The following RAPGEF5 variants were observed in gnomAD, a reference collection of about 807,000 sequenced individuals.
RAPGEF5 encodes Rap guanine nucleotide exchange factor 5.
A neutral mutation model predicts 125.2 loss-of-function variants in RAPGEF5; 65 were observed. That is an observed-to-expected ratio of 0.52 (90% confidence interval 0.43 to 0.64). The LOEUF is 0.64. Among genes scored for constraint, RAPGEF5 ranks in the 30% least tolerant of loss-of-function variants. RAPGEF5 has a pLI of 0.00. For synonymous variants in RAPGEF5, 391 were observed against 385.9 expected, an observed-to-expected ratio of 1.01 and a Z score of -0.16; for missense variants, 958 against 1,048.1, an observed-to-expected ratio of 0.91 and a Z score of 1.19.
rs953215779 is a variant in RAPGEF5 at position 22,131,061 on chromosome 7, A to G, written c.2457T>C (p.Asp819=). 5.2e-6 allele frequency: 8 copies of G among 1,537,788 alleles called. No individual in the cohort carries two copies. The African/African-American group carries it at 9.6e-5, about 19-fold the overall frequency. Residue 819 remains aspartate, a synonymous_variant, in exon 24 of 26, where the codon GAT becomes GAC. Transcript: ENST00000665637. The stretch of plus-strand genomic sequence containing the variant: ...CCAGCTTTTCAAAATTGACAAGATT[A>G]TCCAAAAAAGTTTTATTTCCTTCAT... ...FIHEGNKTFL[D]NLVNFEKLHM...
At chr7:22,356,199 T>G in intron 1 of RAPGEF5, 1 of 985,490 alleles carries the variant, frequency 1.0e-6, no homozygotes, top group Non-Finnish European at 1.2e-6. Context: ...AAATCGTATC[T>G]GAACACACCA....
intron 20 of RAPGEF5, among the ~76,000 whole-genome samples, chr7:22,141,188 T>C (rs1417089256): frequency 6.6e-6 from 1 of 152,248 alleles, no homozygotes; most frequent in East Asian, 1.9e-4. Flanking sequence ...GCATATTACA[T>C]AATTTATTCC....
Position 22,146,957 on chromosome 7 carries a change from A to C in RAPGEF5, c.1947T>G (p.Thr649=). The C allele has an allele frequency of 2.5e-6, 4 of 1,613,788 alleles. No individual in the cohort carries two copies. The highest frequency in any genetic ancestry group is 2.5e-6 in the Non-Finnish European group (3 of 1,179,786). ...QRSMRILGMN[T]WDLALELMNF... ...TCATTAATTCCAGAGCAAGATCCCAAGTGTTCATTCCCAAAATCCTCATCG... is the reference window on the plus strand; with the variant it reads ...TCATTAATTCCAGAGCAAGATCCCACGTGTTCATTCCCAAAATCCTCATCG... The change falls in exon 19 of 26, where the codon ACT becomes ACG. Residue 649 remains threonine, a synonymous_variant. Transcript: ENST00000665637.
chr7:22,266,991 C>G lies in RAPGEF5; in HGVS notation c.769G>C (p.Val257Leu). 1 of 1,610,888 alleles carries G rather than the reference C, an allele frequency of 6.2e-7. No homozygotes were observed. The highest frequency in any genetic ancestry group is 8.5e-7 in the Non-Finnish European group (1 of 1,177,500). Residue 257 changes from valine (V) to leucine (L), a missense_variant, in exon 7 of 26, where the codon GTT (valine) becomes CTT (leucine). By Grantham distance (32) the Val-to-Leu change is conservative. Coordinates refer to ENST00000665637, the MANE Select transcript of RAPGEF5 (RefSeq NM_012294.5). Reference sequence around the variant, plus strand: ...GACTTCCTTGCTTTCAAAGCAATAACAGCTGCTAGCTCTCTCTGCACCTAA... The same window carrying G: ...GACTTCCTTGCTTTCAAAGCAATAAGAGCTGCTAGCTCTCTCTGCACCTAA... Reference protein sequence around the residue: ...TSAVQRELAAVIALKARKSAI... With the variant: ...TSAVQRELAALIALKARKSAI...
At chr7:22,139,999 C>T (rs1783205893) in intron 21 of RAPGEF5, 26 bp downstream of exon 21, 1 of 1,523,642 alleles carries the variant, frequency 6.6e-7, no homozygotes, top group African/African-American at 1.4e-5. Context: ...TTTATGTGCC[C>T]CTCACCATGG....
intron 7 of RAPGEF5, among the ~76,000 whole-genome samples, chr7:22,247,026 A>T (rs2128137370): frequency 6.6e-6 from 1 of 152,380 alleles, no homozygotes; most frequent in Admixed American, 6.5e-5. Flanking sequence ...AACTCCAATG[A>T]GTTATCATCT....
At chr7:22,277,782 C>T (rs1160610254) in intron 6 of RAPGEF5, among the ~76,000 whole-genome samples, 2 of 152,186 alleles carry the variant, frequency 1.3e-5, no homozygotes, top group Non-Finnish European at 2.9e-5. Flanking sequence ...GAATTTCTTT[C>T]ACCTTGACTT....
intron 21 of RAPGEF5, among the ~76,000 whole-genome samples, chr7:22,138,242 C>G (rs984347392): frequency 6.6e-6 from 1 of 152,130 alleles, no homozygotes; most frequent in Non-Finnish European, 1.5e-5. Flanking sequence ...AGCCATGGAA[C>G]AAATCTAGCC....
chr7:22,163,884 T>C (rs1784081998), intron 12 of RAPGEF5, among the ~76,000 whole-genome samples: 1 of 152,230 alleles, frequency 6.6e-6, no homozygotes, highest in Non-Finnish European at 1.5e-5. Context: ...CAGGCTTTGC[T>C]AATATTTTAA....
chr7:22,283,448 T>A (rs1442639891), intron 6 of RAPGEF5, among the ~76,000 whole-genome samples: 2 of 152,172 alleles, frequency 1.3e-5, no homozygotes, highest in African/African-American at 4.8e-5. Flanking sequence ...CTCCTCTATA[T>A]ATGGGCACAC....
At chr7:22,207,040 T>C (rs1785413703) in intron 9 of RAPGEF5, among the ~76,000 whole-genome samples, 1 of 152,194 alleles carries the variant, frequency 6.6e-6, no homozygotes, top group African/African-American at 2.4e-5. Context: ...AATATTCAAC[T>C]ACACTAGAGA....
In RAPGEF5 at chr7:22,310,027, G is replaced by C. The variant is rs374208172; in HGVS notation, c.453C>G (p.Cys151Trp). The C allele has an allele frequency of 6.2e-7, 1 of 1,601,512 alleles. No homozygotes were observed. Among genetic ancestry groups the C allele is most frequent in the Admixed American group, 1.7e-5 (1 of 57,336 alleles). The part of the protein sequence containing the change: ...WLLEHCPFVQ[C>W]RSMAIGVWQL... The stretch of plus-strand genomic sequence containing the variant: ...GCCAGACTCCTATGGCCATAGATCT[G>C]CACTGGACGAAAGGACAGTGTTCTA... Residue 151 changes from cysteine to tryptophan, a missense_variant, in exon 4 of 26, where the codon TGC becomes TGG. Physicochemically the swap from Cys to Trp is radical, Grantham distance 215. Coordinates refer to ENST00000665637, the MANE Select transcript of RAPGEF5 (RefSeq NM_012294.5).
chr7:22,162,457 C>A lies in RAPGEF5; in HGVS notation c.1368G>T (p.Gln456His). ...ACCAGTCTTTGTACAGAGCAATCCA[C>A]TGGGAAACAAGATGCAAGACTTTAC... ...RKRKVLHLVS[Q>H]WIALYKDWLP... is the part of the protein sequence containing the mutation. The change falls in exon 13 of 26, where the codon CAG (glutamine) becomes CAT (histidine). Residue 456 changes from glutamine (Q) to histidine (H), a missense_variant. Transcript: ENST00000665637. The A allele has an allele frequency of 1.2e-6, 2 of 1,602,952 alleles. No homozygotes were observed. The highest frequency in any genetic ancestry group is 2.7e-5 in the African/African-American group (2 of 74,768).
At chr7:22,300,931 A>G (rs1017765207) in intron 5 of RAPGEF5, among the ~76,000 whole-genome samples, 3 of 152,162 alleles carry the variant, frequency 2.0e-5, no homozygotes, top group Non-Finnish European at 4.4e-5. Flanking sequence ...TGGGGTTTCT[A>G]CTATAGATTT....
chr7:22,118,999 G>A lies in RAPGEF5; in HGVS notation c.*3407C>T, dbSNP rs1583370662. On this transcript the variant is annotated 3_prime_UTR_variant, in exon 26 of 26. Transcript: ENST00000665637. Reference sequence around the variant, plus strand: ...AAACATTTAAAAGAAATCCTGTGTTGGACCACTGCGGAAGACCCGATCGTC... The same window carrying A: ...AAACATTTAAAAGAAATCCTGTGTTAGACCACTGCGGAAGACCCGATCGTC... 1 of 144,546 alleles carries A rather than the reference G, an allele frequency of 6.9e-6. No individual in the cohort carries two copies. Among genetic ancestry groups the A allele is most frequent in the East Asian group, 2.1e-4 (1 of 4,662 alleles). The allele number at this position is 144,546 out of a possible 1,614,324, so 9.0% of individuals were successfully genotyped here. A position where few individuals can be genotyped will look rare whatever the true frequency, so the allele number is the denominator to read the frequency against.
intron 25 of RAPGEF5, 184 bp downstream of exon 25, chr7:22,125,420 C>T: frequency 3.6e-6 from 2 of 559,230 alleles, no homozygotes; most frequent in Admixed American, 2.9e-5. Flanking sequence ...TCTTGTCTTC[C>T]TCTGCATCCC....
At chr7:22,356,682 CG>C (rs1393331397) in intron 1 of RAPGEF5, 147 bp downstream of exon 1, 25 of 324,604 alleles carry the variant, frequency 7.7e-5, no homozygotes, top group Non-Finnish European at 1.1e-4. Flanking sequence ...CCCGCCGTCC[CG>C]GGCCCCTCTT....
At position 22,144,935 on chromosome 7, in the gene RAPGEF5, A is replaced by ACCC. The variant is rs1190531235; in HGVS notation, c.2186+108_2186+109insGGG. ...CAGCCATTTAGTCATTTAACTCCAT[A>ACCC]TTACACGTTTATATCCCAACCCTTA... On this transcript the variant is annotated intron_variant, in intron 20 of 25. Coordinates refer to ENST00000665637, the MANE Select transcript of RAPGEF5 (RefSeq NM_012294.5). 5.5e-6 allele frequency: 7 copies of ACCC among 1,267,412 alleles called. No homozygotes were observed. The African/African-American group carries it at 7.5e-5, about 14-fold the overall frequency. The allele number at this position is 1,267,412 out of a possible 1,614,324, so 78.5% of individuals were successfully genotyped here. A position where few individuals can be genotyped will look rare whatever the true frequency, so the allele number is the denominator to read the frequency against.
At chr7:22,246,861 G>GGAACTTA (rs1186242071) in intron 7 of RAPGEF5, among the ~76,000 whole-genome samples, 2 of 151,960 alleles carry the variant, frequency 1.3e-5, no homozygotes, top group African/African-American at 4.8e-5. Flanking sequence ...GAATCTATAA[G>GGAACTTA]GAACTTAAAC....
Sources: allele counts gnomAD v4.1 joint callset (sites outside exome capture counted in the v4.1 genomes callset), GRCh38; gene constraint gnomAD v4.1.1; transcripts MANE v1.5; gene names NCBI Gene and HGNC (gene_info 2026-07-23, HGNC 2026-07-21).